The following RNF122 variants were observed in gnomAD, a reference collection of about 807,000 sequenced individuals.
RNF122 encodes ring finger protein 122.
Under a neutral mutation model 24.2 loss-of-function variants are expected in RNF122, and 17 were observed. The observed-to-expected ratio is 0.70, with a 90% CI of 0.48 to 1.06. RNF122 has a LOEUF of 1.06. Ranked by LOEUF, RNF122 falls within the 50% of genes least tolerant of loss-of-function variation. RNF122 has a pLI of 0.00. For missense variants in RNF122, 168 were observed against 198.1 expected (o/e 0.85, Z 0.91); for synonymous variants, 65 against 71.8 (o/e 0.91, Z 0.48).
At position 33,548,875 on chromosome 8, in the gene RNF122, C is replaced by T. The variant is rs754359346; in HGVS notation, c.354-8G>A. The T allele has an allele frequency of 1.3e-6, 2 of 1,590,988 alleles. No individual in the cohort carries two copies. Among genetic ancestry groups the T allele is most frequent in the African/African-American group, 2.7e-5 (2 of 74,440 alleles). On this transcript the variant is annotated splice_polypyrimidine_tract_variant and splice_region_variant and intron_variant, in intron 5 of 5. Transcript: ENST00000256257. Reference sequence around the variant, plus strand: ...AGCCATTTCACCAGACACCTGAGAACAAATGAGGAATGGTAATCTCTAACC... The same window carrying T: ...AGCCATTTCACCAGACACCTGAGAATAAATGAGGAATGGTAATCTCTAACC...
rs926628460 is a variant in RNF122, at chr8:33,558,679, C to T, written c.118G>A (p.Val40Ile). The change falls in exon 2 of 6, where the codon GTC (valine) becomes ATC (isoleucine). Residue 40 changes from valine to isoleucine, a missense_variant. Val to Ile is a conservative substitution (Grantham distance 29). Transcript: ENST00000256257. ...FQDLPLNIYM[V>I]IFGTGIFVFM... ...ACAAAGATGCCTGTGCCGAAGATGA[C>T]CATATAGATGTTGAGCGGAAGGTCC... 2.0e-5 allele frequency: 33 copies of T among 1,611,942 alleles called. No individual in the cohort carries two copies. Among genetic ancestry groups the T allele is most frequent in the Non-Finnish European group, 2.7e-5 (32 of 1,178,554 alleles).
intron 4 of RNF122, among the ~76,000 whole-genome samples, chr8:33,550,739 T>C (rs970287182): frequency 6.6e-6 from 1 of 152,148 alleles, no homozygotes; most frequent in East Asian, 1.9e-4. Flanking sequence ...ATTCTGTCTA[T>C]GGCATGAAAG....
chr8:33,551,430 G>A, intron 2 of RNF122, 41 bp from the exon 3 acceptor site: 1 of 1,608,876 alleles, frequency 6.2e-7, no homozygotes, highest in African/African-American at 1.3e-5. Flanking sequence ...CAGGTTAAAT[G>A]GAACAATTCA....
chr8:33,563,973 T>A (rs1810582138), intron 1 of RNF122, among the ~76,000 whole-genome samples: 1 of 152,134 alleles, frequency 6.6e-6, no homozygotes, highest in Non-Finnish European at 1.5e-5. Context: ...TATCTCCCAC[T>A]GATTGAATCA....
rs934195093 is a variant in RNF122, at chr8:33,552,356, G to A, written c.183-967C>T. On this transcript the variant is annotated intron_variant, in intron 2 of 5. Transcript: ENST00000256257. ...GGAGGTTGCAGTGAGCCGAGATTGC[G>A]CCATTGCACTCCAGCCTGGGCAACA... 2.6e-5 allele frequency among the ~76,000 whole-genome samples: 4 copies of A among 152,064 alleles called. No homozygotes were observed. In the South Asian group the frequency reaches 6.2e-4, roughly 24 times the overall value.
In RNF122 at chr8:33,562,257, C is replaced by T. The variant is rs77552193; in HGVS notation, c.26-3486G>A. 3.6e-3 allele frequency among the ~76,000 whole-genome samples: 541 copies of T among 152,126 alleles called. 4 individuals are homozygous for T. The highest frequency in any genetic ancestry group is 6.3e-3 in the Non-Finnish European group (429 of 67,996). On this transcript the variant is annotated intron_variant, in intron 1 of 5. Transcript: ENST00000256257. ...AGTACTATTAAAAGAAAGCACAGGC[C>T]GGGTGTGGTGGCTCACACCTGTAAC...
At position 33,558,632 on chromosome 8, in the gene RNF122, GA is replaced by G. The variant is rs1810492013; in HGVS notation, c.164del (p.Phe55SerfsTer52). 1.2e-6 allele frequency: 2 copies of G among 1,607,676 alleles called. No individual in the cohort carries two copies. Among genetic ancestry groups the G allele is most frequent in the East Asian group, 4.5e-5 (2 of 44,806 alleles). On this transcript the variant is annotated frameshift_variant, in exon 2 of 6. Transcript: ENST00000256257. LOFTEE classifies it high-confidence loss of function. ...CCACGCACCTGATAAAATAGCAGCA[GA>G]AGATAAGGCTGAGCATGAAGACAAA... ...GIFVFMLSLI[F>X]CCYFISKLRN...
intron 1 of RNF122, among the ~76,000 whole-genome samples, chr8:33,563,398 G>C (rs866994922): frequency 5.9e-5 from 9 of 152,214 alleles, no homozygotes; most frequent in South Asian, 4.1e-4. Flanking sequence ...TTTATGCACT[G>C]ACCTACACAT....
chr8:33,551,444 C>G (rs1585356467), intron 2 of RNF122, 55 bp from the exon 3 acceptor site: 1 of 1,592,400 alleles, frequency 6.3e-7, no homozygotes, highest in East Asian at 2.2e-5. Context: ...CAATTCAAAG[C>G]AGGAGAGGCT....
intron 4 of RNF122, among the ~76,000 whole-genome samples, chr8:33,550,815 A>G (rs566626884): frequency 6.6e-6 from 1 of 152,228 alleles, no homozygotes; most frequent in East Asian, 1.9e-4. Flanking sequence ...GGCACTACTT[A>G]TCTAAACCCT....
intron 4 of RNF122, among the ~76,000 whole-genome samples, chr8:33,550,365 C>T (rs1293244730): frequency 6.6e-6 from 1 of 152,166 alleles, no homozygotes; most frequent in African/African-American, 2.4e-5. Flanking sequence ...AAAATGAGGC[C>T]ACGTCTAGGC....
intron 5 of RNF122, 111 bp from the exon 6 acceptor site, chr8:33,548,978 TG>T (rs1810331050): frequency 1.2e-6 from 1 of 805,374 alleles, no homozygotes; most frequent in African/African-American, 1.7e-5. Flanking sequence ...CCCAGCACTT[TG>T]GGAGGCTGAG....
chr8:33,548,745 G>T lies in RNF122; in HGVS notation c.*8C>A. On this transcript the variant is annotated 3_prime_UTR_variant, in exon 6 of 6. Coordinates refer to ENST00000256257, the MANE Select transcript of RNF122 (RefSeq NM_024787.3). ...GGTCTTCTCCAGGTCTCGGTGTAGC[G>T]GCAGCACTCACACCAGCTCATCCAA... The T allele has an allele frequency of 6.4e-7, 1 of 1,565,154 alleles. No homozygotes were observed. Among genetic ancestry groups the T allele is most frequent in the Non-Finnish European group, 8.8e-7 (1 of 1,135,640 alleles).
chr8:33,549,526 T>C (rs757941545), intron 4 of RNF122, 34 bp from the exon 5 acceptor site: 3 of 1,517,520 alleles, frequency 2.0e-6, no homozygotes, highest in Non-Finnish European at 2.7e-6. Flanking sequence ...TGTGAGGAAC[T>C]GGGGAACCAT....
chr8:33,563,565 C>T (rs187380568), intron 1 of RNF122, among the ~76,000 whole-genome samples: 4 of 152,196 alleles, frequency 2.6e-5, no homozygotes, highest in African/African-American at 9.6e-5. Flanking sequence ...TTTTCACCAC[C>T]AGTCCCCACC....
intron 4 of RNF122, among the ~76,000 whole-genome samples, chr8:33,550,814 T>A (rs1563367907): frequency 6.6e-6 from 1 of 152,098 alleles, no homozygotes. Context: ...GGGCACTACT[T>A]ATCTAAACCC....
intron 2 of RNF122, among the ~76,000 whole-genome samples, chr8:33,556,440 G>A (rs533982218): frequency 2.3e-4 from 35 of 152,116 alleles, no homozygotes; most frequent in Non-Finnish European, 4.0e-4. Flanking sequence ...GCCCTTTGCC[G>A]CTTGGCATGT....
chr8:33,550,866 G>C (rs1260391191), intron 4 of RNF122, among the ~76,000 whole-genome samples, 178 bp downstream of exon 4: 3 of 151,944 alleles, frequency 2.0e-5, no homozygotes, highest in African/African-American at 7.3e-5. Flanking sequence ...GCTGTTCCAG[G>C]TGTAATCAAT....
At chr8:33,558,873 C>T (rs1585360582) in intron 1 of RNF122, 102 bp from the exon 2 acceptor site, 1 of 869,454 alleles carries the variant, frequency 1.2e-6, no homozygotes, top group Non-Finnish European at 1.7e-6. Flanking sequence ...CTCTGGGCAC[C>T]TAAGCCTCAG....
Sources: gnomAD v4.1 joint callset for allele counts (sites outside exome capture counted in the v4.1 genomes callset) on GRCh38, gnomAD v4.1.1 for gene constraint, MANE v1.5 for transcripts, NCBI Gene and HGNC (gene_info 2026-07-23, HGNC 2026-07-21) for gene names.